ANK2: variants seen among roughly 807,000 people sequenced by gnomAD.
ANK2 encodes ankyrin 2.
ANK2 carries 83 observed loss-of-function variants against 360.5 expected under a neutral mutation model. The ratio of observed to expected loss-of-function variants is 0.23; its 90% confidence interval spans 0.19 to 0.28. The LOEUF is 0.28. ANK2 is among the 10% of genes least tolerant of loss of function. The pLI is 1.00. For synonymous variants in ANK2, 1,740 were observed against 1,759.5 expected, an observed-to-expected ratio of 0.99 and a Z score of 0.28; for missense variants, 4,201 against 4,795.7, an observed-to-expected ratio of 0.88 and a Z score of 3.66.
At chr4:113,131,249 C>T (rs539044209) in intron 1 of ANK2, among the ~76,000 whole-genome samples, 4 of 152,228 alleles carry the variant, frequency 2.6e-5, no homozygotes, top group African/African-American at 7.2e-5. Flanking sequence ...GCACTGTTTT[C>T]CTTTCCCCTT....
intron 1 of ANK2, among the ~76,000 whole-genome samples, chr4:113,143,810 T>G (rs866485813): frequency 6.6e-6 from 1 of 152,310 alleles, no homozygotes; most frequent in Admixed American, 6.5e-5. Flanking sequence ...AGTACACCAT[T>G]AAACATCATA....
chr4:113,347,806 T>TAA (rs5861129), intron 35 of ANK2: 42 of 159,684 alleles, frequency 2.6e-4, no homozygotes, highest in Middle Eastern at 3.0e-3. Context: ...TTGTCTCTAT[T>TAA]AAAAAAAAAA....
chr4:112,896,651 G>A (rs12513140), intron 1 of ANK2, among the ~76,000 whole-genome samples: 11,624 of 152,212 alleles, frequency 0.076, 920 homozygotes, highest in East Asian at 0.31. Context: ...TAAGGAACGA[G>A]GTTAAAGAGC....
intron 2 of ANK2, among the ~76,000 whole-genome samples, chr4:112,969,278 C>G (rs549111725): frequency 6.6e-6 from 1 of 152,330 alleles, no homozygotes; most frequent in Non-Finnish European, 1.5e-5. Context: ...TCCCTGAACA[C>G]TCTTTTTCCT....
At chr4:112,833,865 A>G (rs765379314) in intron 1 of ANK2, among the ~76,000 whole-genome samples, 6 of 152,238 alleles carry the variant, frequency 3.9e-5, no homozygotes, top group Non-Finnish European at 8.8e-5. Flanking sequence ...TCAAAAGGAT[A>G]AATAAGTCTT....
At chr4:112,991,615 C>CT (rs1363502696) in intron 2 of ANK2, among the ~76,000 whole-genome samples, 12 of 80,634 alleles carry the variant, frequency 1.5e-4, no homozygotes, top group Admixed American at 3.4e-4. Context: ...TCTTTTCTTT[C>CT]TTTCTTTTTT....
At chr4:112,826,919 T>G in intron 1 of ANK2, 1 of 1,530,990 alleles carries the variant, frequency 6.5e-7, no homozygotes, top group South Asian at 1.1e-5. Flanking sequence ...AAAATGCCTG[T>G]GTCTTAGCAA....
chr4:112,933,503 CTT>C (rs530916525), intron 2 of ANK2, among the ~76,000 whole-genome samples: 9 of 143,834 alleles, frequency 6.3e-5, no homozygotes, highest in East Asian at 2.0e-4. Context: ...CAGTCTAATT[CTT>C]TTTTTTTTTT....
chr4:113,244,828 A>G (rs1432833837), intron 9 of ANK2, among the ~76,000 whole-genome samples: 1 of 151,982 alleles, frequency 6.6e-6, no homozygotes, highest in African/African-American at 2.4e-5. Context: ...ATGTGTTCTC[A>G]TTGTTCAACT....
chr4:112,716,041 T>C, the ANK2 span, among the ~76,000 whole-genome samples: 1 of 152,202 alleles, frequency 6.6e-6, no homozygotes, highest in East Asian at 1.9e-4. Context: ...AAATGCACAA[T>C]AAATGTCAGC....
At chr4:113,208,183 T>C (rs377724409) in intron 4 of ANK2, among the ~76,000 whole-genome samples, 1 of 152,014 alleles carries the variant, frequency 6.6e-6, no homozygotes, top group African/African-American at 2.4e-5. Context: ...TCTGAAAACA[T>C]GACCCTGGTG....
At chr4:113,226,784 A>G (rs2099228938) in intron 4 of ANK2, among the ~76,000 whole-genome samples, 1 of 152,186 alleles carries the variant, frequency 6.6e-6, no homozygotes, top group African/African-American at 2.4e-5. Context: ...AGTAATGTTC[A>G]AAATATTTAA....
chr4:112,915,297 T>C (rs2089360477), intron 2 of ANK2, among the ~76,000 whole-genome samples: 1 of 152,154 alleles, frequency 6.6e-6, no homozygotes, highest in Non-Finnish European at 1.5e-5. Context: ...ACGGTATTTG[T>C]GTACGTCAAA....
At chr4:112,813,512 C>G (rs912164892), upstream of ANK2, among the ~76,000 whole-genome samples, 1 of 151,312 alleles carries the variant, frequency 6.6e-6, no homozygotes, top group African/African-American at 2.4e-5. Context: ...ACTATTTTTC[C>G]TTTACCAAAT....
At chr4:113,074,555 A>C (rs1323817487) in intron 1 of ANK2, among the ~76,000 whole-genome samples, 1 of 152,232 alleles carries the variant, frequency 6.6e-6, no homozygotes, top group Non-Finnish European at 1.5e-5. Context: ...AAAATCATTT[A>C]TCTATTTGAA....
intron 1 of ANK2, among the ~76,000 whole-genome samples, chr4:112,832,245 G>A (rs577456317): frequency 9.8e-5 from 15 of 152,296 alleles, no homozygotes; most frequent in African/African-American, 3.6e-4. Flanking sequence ...TAGAGACAGG[G>A]TTTCACCCTG....
Position 113,367,794 on chromosome 4 carries a change from C to G in ANK2, c.11261C>G (p.Ser3754Ter). 1 of 1,614,050 alleles carries G rather than the reference C, an allele frequency of 6.2e-7. No homozygotes were observed. ...AAGGAGCAAGTTCAACAGGATTTCTCAGGGAAAATGCAAGACCTGCCTGAA... is the reference window on the plus strand; with the variant it reads ...AAGGAGCAAGTTCAACAGGATTTCTGAGGGAAAATGCAAGACCTGCCTGAA... ...THKEQVQQDFSGKMQDLPEES... is the reference protein window; with the variant it reads ...THKEQVQQDF Residue 3754 changes from serine to a stop codon, truncating the protein, a stop_gained, in exon 42 of 46, where the codon TCA becomes TGA. Transcript: ENST00000357077. LOFTEE classifies it high-confidence loss of function.
At chr4:113,012,374 T>C (rs1412786796) in intron 2 of ANK2, among the ~76,000 whole-genome samples, 1 of 152,198 alleles carries the variant, frequency 6.6e-6, no homozygotes, top group Non-Finnish European at 1.5e-5. Flanking sequence ...AACTCCAGAA[T>C]CTAGTCTTCA....
chr4:113,362,353 G>T (rs1040225321), intron 39 of ANK2, among the ~76,000 whole-genome samples: 4 of 152,120 alleles, frequency 2.6e-5, no homozygotes, highest in African/African-American at 9.7e-5. Flanking sequence ...GCCTTCAAAA[G>T]AGGTCACCCT....
Sources: allele counts gnomAD v4.1 joint callset (sites outside exome capture counted in the v4.1 genomes callset), GRCh38; gene constraint gnomAD v4.1.1; transcripts MANE v1.5; gene names NCBI Gene and HGNC (gene_info 2026-07-23, HGNC 2026-07-21).